The following KHDRBS2 variants were observed in gnomAD, a reference collection of about 807,000 sequenced individuals.
KHDRBS2 encodes the protein KH domain-containing, RNA-binding, signal transduction-associated protein 2.
A neutral mutation model predicts 44.3 loss-of-function variants in KHDRBS2; 26 were observed. The observed-to-expected ratio is 0.59, with a 90% CI of 0.43 to 0.81. The LOEUF (loss-of-function observed/expected upper bound fraction) is 0.81, where lower values mean the gene tolerates loss of function less well. Ranked by LOEUF, KHDRBS2 falls within the 40% of genes least tolerant of loss-of-function variation. KHDRBS2 has a pLI of 0.00. For missense variants in KHDRBS2, 476 were observed against 433.1 expected, an observed-to-expected ratio of 1.10 and a Z score of -0.88; for synonymous variants, 194 against 151.1, an observed-to-expected ratio of 1.28 and a Z score of -2.08.
chr6:61,797,290 G>A (rs1393784875), intron 6 of KHDRBS2, among the ~76,000 whole-genome samples: 4 of 152,030 alleles, frequency 2.6e-5, no homozygotes, highest in Non-Finnish European at 5.9e-5. Flanking sequence ...TTGCATAATG[G>A]CATTCTAATG....
intron 6 of KHDRBS2, among the ~76,000 whole-genome samples, chr6:61,853,966 C>A (rs1283843778): frequency 6.6e-6 from 1 of 152,162 alleles, no homozygotes; most frequent in Non-Finnish European, 1.5e-5. Flanking sequence ...ATTGGCCAGA[C>A]CTTGGTCACA....
intron 6 of KHDRBS2, among the ~76,000 whole-genome samples, chr6:61,886,211 A>G (rs1800931443): frequency 6.6e-6 from 1 of 152,228 alleles, no homozygotes; most frequent in African/African-American, 2.4e-5. Context: ...AAGTGAAGTT[A>G]CAACCTCAGC....
At chr6:62,063,921 C>T (rs10806560) in intron 2 of KHDRBS2, among the ~76,000 whole-genome samples, 90,389 of 132,360 alleles carry the variant, frequency 0.68, 32,388 homozygotes, top group East Asian at 0.8. Context: ...TGATAAGCAA[C>T]TTCAGCAAAG....
chr6:62,246,606 A>G lies in KHDRBS2; in HGVS notation c.91+39252T>C, dbSNP rs182215079. On this transcript the variant is annotated intron_variant, in intron 1 of 8. Coordinates refer to ENST00000281156, the MANE Select transcript of KHDRBS2 (RefSeq NM_152688.4). ...AGGACATTTAATCAAAGTCAACTTT[A>G]GGAAGAAAGACATAGAGCCATTTTC... 2.5e-3 allele frequency among the ~76,000 whole-genome samples: 381 copies of G among 152,244 alleles called. 3 individuals are homozygous for G. Among genetic ancestry groups the G allele is most frequent in the African/African-American group, 8.4e-3 (349 of 41,564 alleles).
chr6:61,589,062 T>A, the KHDRBS2 span, among the ~76,000 whole-genome samples: 1 of 150,926 alleles, frequency 6.6e-6, no homozygotes, highest in Non-Finnish European at 1.5e-5. Flanking sequence ...CACTAGGGCC[T>A]GTCAGGGGGT....
At chr6:61,708,872 T>G (rs9450283) in intron 7 of KHDRBS2, among the ~76,000 whole-genome samples, 3,593 of 151,722 alleles carry the variant, frequency 0.024, 160 homozygotes, top group African/African-American at 0.083. Flanking sequence ...GAAGTCTCCA[T>G]TCTGGGTTCC....
chr6:62,225,455 A>G (rs1284178183), intron 1 of KHDRBS2, among the ~76,000 whole-genome samples: 2 of 152,234 alleles, frequency 1.3e-5, no homozygotes, highest in Admixed American at 1.3e-4. Flanking sequence ...GACAAATGGA[A>G]GAAACATGAT....
At chr6:62,041,176 C>T (rs1297095023) in intron 3 of KHDRBS2, among the ~76,000 whole-genome samples, 2 of 151,776 alleles carry the variant, frequency 1.3e-5, no homozygotes, top group African/African-American at 4.8e-5. Context: ...ACTAAATATA[C>T]AAAAATTAGC....
At chr6:61,656,134 T>A in the KHDRBS2 span, among the ~76,000 whole-genome samples, 4 of 152,206 alleles carry the variant, frequency 2.6e-5, no homozygotes, top group South Asian at 2.1e-4. Flanking sequence ...TTAACGGATC[T>A]TTACAAAACT....
chr6:61,722,193 G>A (rs1395514717), intron 7 of KHDRBS2, among the ~76,000 whole-genome samples: 1 of 152,104 alleles, frequency 6.6e-6, no homozygotes, highest in African/African-American at 2.4e-5. Flanking sequence ...TTATTTTATT[G>A]AGGATTTTTG....
At chr6:61,696,912 C>T (rs1411972389) in intron 8 of KHDRBS2, among the ~76,000 whole-genome samples, 1 of 152,096 alleles carries the variant, frequency 6.6e-6, no homozygotes, top group Non-Finnish European at 1.5e-5. Context: ...ATGAGTCAGA[C>T]AATGAACACA....
At chr6:62,205,809 T>C (rs1469432814) in intron 1 of KHDRBS2, among the ~76,000 whole-genome samples, 1 of 152,140 alleles carries the variant, frequency 6.6e-6, no homozygotes, top group Non-Finnish European at 1.5e-5. Flanking sequence ...CATATCAAAC[T>C]GTCTATCATG....
the KHDRBS2 span, among the ~76,000 whole-genome samples, chr6:61,596,746 G>A: frequency 1.3e-5 from 2 of 152,058 alleles, no homozygotes; most frequent in African/African-American, 4.8e-5. Flanking sequence ...CTACCTCCCA[G>A]GTTCAAGTGA....
intron 8 of KHDRBS2, among the ~76,000 whole-genome samples, chr6:61,690,724 G>A (rs898239251): frequency 1.3e-5 from 2 of 151,972 alleles, no homozygotes; most frequent in Non-Finnish European, 2.9e-5. Context: ...GTTATAAAAG[G>A]AGCCTGCATA....
chr6:62,243,276 C>T (rs566757653), intron 1 of KHDRBS2, among the ~76,000 whole-genome samples: 1 of 151,980 alleles, frequency 6.6e-6, no homozygotes, highest in Non-Finnish European at 1.5e-5. Context: ...ACAGTAAACA[C>T]TGAGTTTCTA....
chr6:61,732,993 C>A (rs1774732975), intron 6 of KHDRBS2, among the ~76,000 whole-genome samples: 1 of 152,092 alleles, frequency 6.6e-6, no homozygotes, highest in East Asian at 1.9e-4. Flanking sequence ...GCAGCAATAC[C>A]TACTCTAAGA....
the KHDRBS2 span, among the ~76,000 whole-genome samples, chr6:61,567,690 C>T: frequency 1.5e-5 from 2 of 135,152 alleles, no homozygotes; most frequent in South Asian, 2.3e-4. Flanking sequence ...TCTCTCCCTC[C>T]TTTCCCCTTT....
At chr6:61,655,309 G>A in the KHDRBS2 span, among the ~76,000 whole-genome samples, 1 of 151,666 alleles carries the variant, frequency 6.6e-6, no homozygotes, top group Middle Eastern at 3.5e-3. Context: ...AGACTGGAGT[G>A]CAGTGGTGCA....
At chr6:61,640,805 A>G in the KHDRBS2 span, among the ~76,000 whole-genome samples, 1 of 152,194 alleles carries the variant, frequency 6.6e-6, no homozygotes, top group South Asian at 2.1e-4. Flanking sequence ...ACCAGAGATC[A>G]GGTAAGAAAT....
Sources: allele counts gnomAD v4.1 joint callset (sites outside exome capture counted in the v4.1 genomes callset), GRCh38; gene constraint gnomAD v4.1.1; transcripts MANE v1.5; gene names NCBI Gene and HGNC (gene_info 2026-07-23, HGNC 2026-07-21).